BICRA: variants seen among roughly 807,000 people sequenced by gnomAD.
BICRA encodes BRD4 interacting chromatin remodeling complex associated protein, also known as BRD4-interacting chromatin-remodeling complex-associated protein.
A neutral mutation model predicts 96.9 loss-of-function variants in BICRA; 31 were observed. The ratio of observed to expected loss-of-function variants is 0.32; its 90% CI spans 0.24 to 0.43. BICRA has a LOEUF of 0.43. Among genes scored for constraint, BICRA ranks in the 20% least tolerant of loss-of-function variants. BICRA has a pLI of 1.00. For synonymous variants in BICRA, 1,350 were observed against 1,071.8 expected, an observed-to-expected ratio of 1.26 and a Z score of -5.07; for missense variants, 2,283 against 2,190.3, an observed-to-expected ratio of 1.04 and a Z score of -0.84.
chr19:47,667,703 G>A (rs1972803661), intron 1 of BICRA, among the ~76,000 whole-genome samples: 1 of 152,150 alleles, frequency 6.6e-6, no homozygotes, highest in Non-Finnish European at 1.5e-5. Flanking sequence ...CGCCACTCCT[G>A]TTCCTTCCTC....
intron 1 of BICRA, among the ~76,000 whole-genome samples, chr19:47,643,007 C>T (rs1490174021): frequency 2.0e-5 from 3 of 152,212 alleles, no homozygotes; most frequent in Non-Finnish European, 4.4e-5. Context: ...GACGGAGTCT[C>T]GCTCCAGGCT....
intron 7 of BICRA, among the ~76,000 whole-genome samples, chr19:47,683,188 C>T (rs1422568249): frequency 6.6e-6 from 1 of 152,128 alleles, no homozygotes; most frequent in East Asian, 1.9e-4. Flanking sequence ...GCATTTTTAT[C>T]TCTGACAGAC....
At chr19:47,634,262 C>T (rs1037666437) in intron 1 of BICRA, among the ~76,000 whole-genome samples, 1 of 152,160 alleles carries the variant, frequency 6.6e-6, no homozygotes, top group Admixed American at 6.6e-5. Flanking sequence ...GAGCCCAGAG[C>T]GAGGCCATGG....
intron 1 of BICRA, among the ~76,000 whole-genome samples, chr19:47,651,479 C>T (rs913885537): frequency 6.6e-6 from 1 of 152,118 alleles, no homozygotes; most frequent in African/African-American, 2.4e-5. Flanking sequence ...CCATTCTTGG[C>T]ATCCTTGCCC....
Position 47,702,074 on chromosome 19 carries a change from C to A in BICRA, c.4342C>A (p.Pro1448Thr). 6.6e-7 allele frequency: 1 copy of A among 1,511,590 alleles called. No homozygotes were observed. Among genetic ancestry groups the A allele is most frequent in the Non-Finnish European group, 8.8e-7 (1 of 1,138,364 alleles). The allele number at this position is 1,511,590 out of a possible 1,614,324, so 93.6% of individuals were successfully genotyped here. ...GTACCAGCGTATGCTGAAGGGCCCC[C>A]CGCCAGAGCCCGCAGCCAGCGCCGC... Reference protein sequence around the residue: ...ELYQRMLKGPPPEPAASAAQG... With the variant: ...ELYQRMLKGPTPEPAASAAQG... Residue 1448 changes from proline to threonine, a missense_variant, in exon 15 of 15, where the codon CCG becomes ACG. Pro to Thr is a conservative substitution (Grantham distance 38). Coordinates refer to ENST00000594866, the MANE Select transcript of BICRA (RefSeq NM_001394372.1).
At position 47,699,527 on chromosome 19, in the gene BICRA, G is replaced by T; in HGVS notation, c.3595+122G>T. On this transcript the variant is annotated intron_variant, in intron 14 of 14. Coordinates refer to ENST00000594866, the MANE Select transcript of BICRA (RefSeq NM_001394372.1). This position sits in a 1 kb window ranked among gnomAD's most constrained non-coding sequence, Gnocchi z 5.0. ...CTACCTCACTCCACCACTAGGCGGT[G>T]CCCCAGCTCCACCTTCCTGCTGGCA... The T allele has an allele frequency of 1.5e-6, 1 of 646,128 alleles. No homozygotes were observed. 40.0% of individuals were successfully genotyped at this position (646,128 alleles called of 1,614,324 possible). A position where few individuals can be genotyped will look rare whatever the true frequency, so the allele number is the denominator to read the frequency against.
chr19:47,628,610 G>T (rs1020031749), intron 1 of BICRA, among the ~76,000 whole-genome samples: 25 of 152,084 alleles, frequency 1.6e-4, no homozygotes, highest in African/African-American at 5.8e-4. Flanking sequence ...GGTGACCTCT[G>T]TGGGGAGTTT....
At position 47,698,048 on chromosome 19, in the gene BICRA, C is replaced by T. The variant is rs1375422681; in HGVS notation, c.3249-586C>T. Among the ~76,000 whole-genome samples the T allele has an allele frequency of 1.3e-5, 2 of 152,162 alleles. No homozygotes were observed. Among genetic ancestry groups the T allele is most frequent in the Non-Finnish European group, 2.9e-5 (2 of 68,038 alleles). On this transcript the variant is annotated intron_variant, in intron 11 of 14. Coordinates refer to ENST00000594866, the MANE Select transcript of BICRA (RefSeq NM_001394372.1). The surrounding 1 kb of genome is among the most constrained non-coding windows in gnomAD (Gnocchi z 4.8). Reference sequence around the variant, plus strand: ...CCCCACTCAGTGCCCAGGCCTGAGCCCCATGTTGGGAACACAGGAGTAAGT... The same window carrying T: ...CCCCACTCAGTGCCCAGGCCTGAGCTCCATGTTGGGAACACAGGAGTAAGT...
intron 7 of BICRA, among the ~76,000 whole-genome samples, chr19:47,682,492 T>C (rs1458291019): frequency 6.6e-6 from 1 of 152,248 alleles, no homozygotes; most frequent in Non-Finnish European, 1.5e-5. Context: ...CCCCGTCTCC[T>C]GAACCGTGGC....
chr19:47,631,859 G>A (rs1476218217), intron 1 of BICRA, among the ~76,000 whole-genome samples: 1 of 152,114 alleles, frequency 6.6e-6, no homozygotes, highest in African/African-American at 2.4e-5. Flanking sequence ...ATATTGGCCA[G>A]GCTGGTCTCA....
intron 1 of BICRA, among the ~76,000 whole-genome samples, chr19:47,625,258 C>T (rs1972123952): frequency 6.6e-6 from 1 of 151,358 alleles, no homozygotes; most frequent in Non-Finnish European, 1.5e-5. Context: ...CCTCAGCCTC[C>T]CAAAGTGTTG....
chr19:47,681,990 GC>G lies in BICRA; in HGVS notation c.2125del (p.Leu709SerfsTer15). Reference protein sequence around the residue: ...MFLPQERSQQPLSAEGPHLSV... With the variant: ...MFLPQERSQQXLSAEGPHLSV... Reference sequence around the variant, plus strand: ...GCCCGTTGCAGGAGAGGAGCCAGCAGCCCCTCTCCGCAGAGGGCCCCCACCT... The same window carrying G: ...GCCCGTTGCAGGAGAGGAGCCAGCAGCCCTCTCCGCAGAGGGCCCCCACCT... On this transcript the variant is annotated frameshift_variant, in exon 7 of 15. Coordinates refer to ENST00000594866, the MANE Select transcript of BICRA (RefSeq NM_001394372.1). LOFTEE classifies it high-confidence loss of function. The G allele has an allele frequency of 6.4e-7, 1 of 1,567,364 alleles. No individual in the cohort carries two copies.
chr19:47,624,677 C>T lies in BICRA; in HGVS notation c.-108+15509C>T, dbSNP rs151235014. 1.1e-3 allele frequency among the ~76,000 whole-genome samples: 171 copies of T among 151,756 alleles called. No individual in the cohort carries two copies. The East Asian group carries it at 0.032, about 29-fold the overall frequency. On this transcript the variant is annotated intron_variant, in intron 1 of 14. Coordinates refer to ENST00000594866, the MANE Select transcript of BICRA (RefSeq NM_001394372.1). The stretch of plus-strand genomic sequence containing the variant: ...TAGTAACAAGTTATGCCTGTACCTC[C>T]CACTGCCACGCCCTGACTTTTTTTT...
At chr19:47,625,967 T>C (rs1972133433) in intron 1 of BICRA, among the ~76,000 whole-genome samples, 2 of 151,754 alleles carry the variant, frequency 1.3e-5, no homozygotes, top group African/African-American at 2.4e-5. Flanking sequence ...GAGCAAATGG[T>C]GGTTCTTAAT....
chr19:47,701,933 C>G lies in BICRA; in HGVS notation c.4201C>G (p.Pro1401Ala), dbSNP rs758692070. 29 of 1,433,194 alleles carry G rather than the reference C, an allele frequency of 2.0e-5. No individual in the cohort carries two copies. Among genetic ancestry groups the G allele is most frequent in the Middle Eastern group, 3.9e-4 (2 of 5,084 alleles). The allele number at this position is 1,433,194 out of a possible 1,614,324, so 88.8% of individuals were successfully genotyped here. A position where few individuals can be genotyped will look rare whatever the true frequency, so the allele number is the denominator to read the frequency against. The change falls in exon 15 of 15, where the codon CCG becomes GCG. Residue 1401 changes from proline (P) to alanine (A), a missense_variant. By Grantham distance (27) the Pro-to-Ala change is conservative. Coordinates refer to ENST00000594866, the MANE Select transcript of BICRA (RefSeq NM_001394372.1). This position sits in a 1 kb window ranked among gnomAD's most constrained non-coding sequence, Gnocchi z 5.4. Reference protein sequence around the residue: ...YRENVGGPGAPEGTPAGRARG... With the variant: ...YRENVGGPGAAEGTPAGRARG... ...CGAGAACGTGGGGGGCCCTGGCGCGCCGGAGGGGACGCCCGCAGGCAGGGC... is the reference window on the plus strand; with the variant it reads ...CGAGAACGTGGGGGGCCCTGGCGCGGCGGAGGGGACGCCCGCAGGCAGGGC...
chr19:47,697,375 A>G (rs1216536232), intron 11 of BICRA, among the ~76,000 whole-genome samples: 4 of 151,248 alleles, frequency 2.6e-5, no homozygotes, highest in Non-Finnish European at 4.4e-5. Context: ...CCCAGGCGAC[A>G]GAGCAAGACT....
chr19:47,690,571 T>C (rs145793439), intron 7 of BICRA, among the ~76,000 whole-genome samples: 3 of 152,304 alleles, frequency 2.0e-5, no homozygotes, highest in African/African-American at 4.8e-5. Flanking sequence ...TTGCTGTGCA[T>C]TTCTCTTATT....
At chr19:47,688,898 C>G (rs948589253) in intron 7 of BICRA, among the ~76,000 whole-genome samples, 5 of 152,106 alleles carry the variant, frequency 3.3e-5, no homozygotes, top group Non-Finnish European at 5.9e-5. Context: ...GCGATCTCGG[C>G]TCACGGCAAC....
At chr19:47,697,169 G>A (rs1024865418) in intron 11 of BICRA, among the ~76,000 whole-genome samples, 6 of 151,984 alleles carry the variant, frequency 3.9e-5, no homozygotes, top group Non-Finnish European at 8.8e-5. Flanking sequence ...ACCATGCTCG[G>A]CTAATTTTTG....
Sources: gnomAD v4.1 joint callset for allele counts (sites outside exome capture counted in the v4.1 genomes callset) on GRCh38, gnomAD v4.1.1 for gene constraint, Gnocchi (gnomAD v3.1) non-coding constraint, MANE v1.5 for transcripts, NCBI Gene and HGNC (gene_info 2026-07-23, HGNC 2026-07-21) for gene names.